Variants in ABCC6 observed in about 807,000 individuals in gnomAD.
The protein encoded by ABCC6 is ATP binding cassette subfamily C member 6.
Under a neutral mutation model 169.5 loss-of-function variants are expected in ABCC6, and 126 were observed. The observed-to-expected ratio is 0.74, with a 90% CI of 0.64 to 0.86. The LOEUF (loss-of-function observed/expected upper bound fraction) is 0.86, where lower values mean the gene tolerates loss of function less well. ABCC6 is among the 40% of genes least tolerant of loss of function. ABCC6 has a pLI of 0.00. For synonymous variants in ABCC6, 752 were observed against 814.7 expected, an observed-to-expected ratio of 0.92 and a Z score of 1.31; for missense variants, 1,733 against 1,927.2, an observed-to-expected ratio of 0.90 and a Z score of 1.89.
At chr16:16,191,981 G>C (rs2047875756) in intron 11 of ABCC6, among the ~76,000 whole-genome samples, 1 of 152,162 alleles carries the variant, frequency 6.6e-6, no homozygotes, top group African/African-American at 2.4e-5. Flanking sequence ...CTTCCTGTAG[G>C]ACCCTGTAGG....
intron 11 of ABCC6, among the ~76,000 whole-genome samples, chr16:16,192,111 A>G (rs560876954): frequency 6.6e-6 from 1 of 152,250 alleles, no homozygotes; most frequent in South Asian, 2.1e-4. Flanking sequence ...TGGTGAGGGA[A>G]GCCGCCCTGA....
chr16:16,173,630 C>G (rs1445720917), intron 20 of ABCC6, among the ~76,000 whole-genome samples: 2 of 152,046 alleles, frequency 1.3e-5, no homozygotes, highest in East Asian at 3.9e-4. Flanking sequence ...CAAGCCCATT[C>G]TTCTGATGCC....
chr16:16,164,927 T>C (rs2046829793), intron 23 of ABCC6, among the ~76,000 whole-genome samples: 1 of 152,240 alleles, frequency 6.6e-6, no homozygotes, highest in Non-Finnish European at 1.5e-5. Flanking sequence ...CAAGGAAATA[T>C]AAGCCATTAA....
At chr16:16,153,889 G>A (rs2046460122) in intron 29 of ABCC6, among the ~76,000 whole-genome samples, 1 of 148,014 alleles carries the variant, frequency 6.8e-6, no homozygotes, top group Non-Finnish European at 1.5e-5. Flanking sequence ...GAATGACAGA[G>A]CCAGACCCTG....
intron 6 of ABCC6, among the ~76,000 whole-genome samples, chr16:16,210,607 AAC>A (rs1471930401): frequency 6.6e-6 from 1 of 152,202 alleles, no homozygotes; most frequent in Non-Finnish European, 1.5e-5. Flanking sequence ...TCTTTTTAAA[AAC>A]AGTTTATTCG....
At chr16:16,158,653 C>T (rs994942405) in intron 26 of ABCC6, among the ~76,000 whole-genome samples, 2 of 152,074 alleles carry the variant, frequency 1.3e-5, no homozygotes, top group Non-Finnish European at 2.9e-5. Flanking sequence ...TGTTGCTGTT[C>T]TGTCCTTATA....
chr16:16,154,201 C>G (rs2046470119), intron 29 of ABCC6, among the ~76,000 whole-genome samples: 1 of 152,032 alleles, frequency 6.6e-6, no homozygotes, highest in South Asian at 2.1e-4. Flanking sequence ...CCTCTCTCAG[C>G]CTCCTGAAGT....
chr16:16,214,880 G>C (rs1567544096), intron 4 of ABCC6, among the ~76,000 whole-genome samples: 1 of 152,158 alleles, frequency 6.6e-6, no homozygotes, highest in Non-Finnish European at 1.5e-5. Context: ...AAAGTGTTGG[G>C]ATTACAGGCA....
intron 4 of ABCC6, among the ~76,000 whole-genome samples, chr16:16,217,461 G>C (rs2048919528): frequency 6.6e-6 from 1 of 152,210 alleles, no homozygotes; most frequent in Non-Finnish European, 1.5e-5. Context: ...TGTAATCCCA[G>C]CACTTTGGGA....
chr16:16,187,935 A>G (rs2047705919), intron 13 of ABCC6, among the ~76,000 whole-genome samples: 1 of 150,374 alleles, frequency 6.7e-6, no homozygotes, highest in Non-Finnish European at 1.5e-5. Context: ...AAATAAATAA[A>G]TAAATAAATA....
chr16:16,192,617 C>T (rs921212261), intron 11 of ABCC6, among the ~76,000 whole-genome samples: 4 of 152,108 alleles, frequency 2.6e-5, no homozygotes, highest in African/African-American at 7.2e-5. Flanking sequence ...TGACCCAGGG[C>T]CTGTGGCCTG....
chr16:16,218,360 G>A (rs1296956753), intron 4 of ABCC6, among the ~76,000 whole-genome samples: 1 of 49,540 alleles, frequency 2.0e-5, no homozygotes, highest in Non-Finnish European at 4.0e-5. Flanking sequence ...GAAACCTGCT[G>A]CAGCCTGTTC....
At chr16:16,159,999 A>G (rs1372054601) in intron 25 of ABCC6, among the ~76,000 whole-genome samples, 3 of 152,046 alleles carry the variant, frequency 2.0e-5, no homozygotes, top group Non-Finnish European at 4.4e-5. Context: ...GCTCCTCCCT[A>G]TGAGCCATTA....
intron 4 of ABCC6, among the ~76,000 whole-genome samples, chr16:16,215,628 G>A (rs1291437954): frequency 1.3e-5 from 2 of 149,814 alleles, no homozygotes; most frequent in African/African-American, 4.9e-5. Flanking sequence ...CATGTGCCAC[G>A]ACCCCTGGCT....
At chr16:16,192,966 C>T in intron 10 of ABCC6, 44 bp from the exon 11 acceptor site, 1 of 1,560,144 alleles carries the variant, frequency 6.4e-7, no homozygotes, top group East Asian at 2.2e-5. Context: ...CCGAGGAGCC[C>T]AGCTCTCAGA....
In ABCC6 at chr16:16,150,257, A is replaced by G; in HGVS notation, c.4404-16T>C. On this transcript the variant is annotated splice_polypyrimidine_tract_variant and intron_variant, in intron 30 of 30. Transcript: ENST00000205557. ...GACCAGAACCCTGTGGGGGAGAGGG[A>G]GACAGAGAGGCTCTTTGGACACCAG... The G allele has an allele frequency of 6.2e-7, 1 of 1,613,770 alleles. No individual in the cohort carries two copies. The highest frequency in any genetic ancestry group is 2.2e-5 in the East Asian group (1 of 44,882).
At chr16:16,214,759 C>T (rs2048788325) in intron 4 of ABCC6, among the ~76,000 whole-genome samples, 1 of 152,136 alleles carries the variant, frequency 6.6e-6, no homozygotes, top group African/African-American at 2.4e-5. Context: ...TGCCCACCAC[C>T]ATGCCTGGCT....
At position 16,161,695 on chromosome 16, in the gene ABCC6, C is replaced by A; in HGVS notation, c.3507-131G>T. 6 of 1,249,002 alleles carry A rather than the reference C, an allele frequency of 4.8e-6. No individual in the cohort carries two copies. In the South Asian group the frequency reaches 6.3e-5, roughly 13 times the overall value. The allele number at this position is 1,249,002 out of a possible 1,614,324, so 77.4% of individuals were successfully genotyped here. ...TCCCAGCAATGGCCTCCACATGCAACCCAGGCTCAGGGAGTAGAGGAAGAT... is the reference window on the plus strand; with the variant it reads ...TCCCAGCAATGGCCTCCACATGCAAACCAGGCTCAGGGAGTAGAGGAAGAT... On this transcript the variant is annotated intron_variant, in intron 24 of 30. Coordinates refer to ENST00000205557, the MANE Select transcript of ABCC6 (RefSeq NM_001171.6).
chr16:16,195,048 T>C (rs1042127477), intron 10 of ABCC6, among the ~76,000 whole-genome samples: 3 of 151,994 alleles, frequency 2.0e-5, no homozygotes, highest in African/African-American at 7.3e-5. Context: ...ACCTAGTGGC[T>C]CAATGGAGAA....
Sources: allele counts gnomAD v4.1 joint callset (sites outside exome capture counted in the v4.1 genomes callset), GRCh38; gene constraint gnomAD v4.1.1; transcripts MANE v1.5; gene names NCBI Gene and HGNC (gene_info 2026-07-23, HGNC 2026-07-21).